The following CADM2 variants were observed in gnomAD, a reference collection of about 807,000 sequenced individuals.
The protein encoded by CADM2 is cell adhesion molecule 2, also known as immunoglobulin superfamily member 4D.
In CADM2, 12 loss-of-function variants were observed where a neutral mutation model predicts 49.8. The observed-to-expected ratio is 0.24, with a 90% CI of 0.15 to 0.39. The LOEUF is 0.39. CADM2 is among the 10% of genes least tolerant of loss of function. The pLI is 1.00. For synonymous variants in CADM2, 214 were observed against 175.4 expected (o/e 1.22, Z -1.74); for missense variants, 378 against 492.3 (o/e 0.77, Z 2.20).
chr3:85,258,868 T>G (rs2042948969), intron 1 of CADM2, among the ~76,000 whole-genome samples: 1 of 152,112 alleles, frequency 6.6e-6, no homozygotes, highest in African/African-American at 2.4e-5. Context: ...TTTATTATTT[T>G]TCATTTTTCT....
intron 3 of CADM2, among the ~76,000 whole-genome samples, chr3:85,843,888 ATG>A (rs957863432): frequency 5.9e-5 from 9 of 151,440 alleles, no homozygotes; most frequent in African/African-American, 1.2e-4. Flanking sequence ...ATGTGAGTGT[ATG>A]TGTGTGTGGG....
chr3:84,993,702 A>G (rs781091635), intron 1 of CADM2, among the ~76,000 whole-genome samples: 14 of 152,194 alleles, frequency 9.2e-5, no homozygotes, highest in Non-Finnish European at 1.6e-4. Context: ...CTTCATAGAC[A>G]TGTTCTAAAA....
At chr3:85,254,184 G>C (rs1355527708) in intron 1 of CADM2, among the ~76,000 whole-genome samples, 1 of 151,912 alleles carries the variant, frequency 6.6e-6, no homozygotes, top group Non-Finnish European at 1.5e-5. Flanking sequence ...TCCATTTATT[G>C]TAAAGTATAT....
chr3:85,505,179 C>A (rs2040290655), intron 1 of CADM2, among the ~76,000 whole-genome samples: 1 of 152,244 alleles, frequency 6.6e-6, no homozygotes, highest in African/African-American at 2.4e-5. Flanking sequence ...GGAGCCCAGG[C>A]AGAGGAGGCG....
At chr3:85,726,499 G>C in intron 1 of CADM2, 23 bp from the exon 2 acceptor site, 1 of 1,611,692 alleles carries the variant, frequency 6.2e-7, no homozygotes, top group Non-Finnish European at 8.5e-7. Flanking sequence ...TTCTCTTCTT[G>C]TGCAACCTTT....
intron 1 of CADM2, among the ~76,000 whole-genome samples, chr3:85,042,836 G>T (rs1401289380): frequency 3.3e-5 from 5 of 151,976 alleles, no homozygotes; most frequent in Non-Finnish European, 7.4e-5. Flanking sequence ...GTTCTTAGTT[G>T]GGATCTTTGG....
chr3:85,373,009 T>C (rs868023198), intron 1 of CADM2, among the ~76,000 whole-genome samples: 7 of 152,138 alleles, frequency 4.6e-5, no homozygotes, highest in Middle Eastern at 3.4e-3. Flanking sequence ...AGCCAAACCA[T>C]ATCATTCTGG....
chr3:85,412,197 A>T (rs1460672966), intron 1 of CADM2, among the ~76,000 whole-genome samples: 1 of 152,190 alleles, frequency 6.6e-6, no homozygotes, highest in East Asian at 1.9e-4. Context: ...GTTATTGGAA[A>T]TGTGGATCAT....
At chr3:85,396,711 T>C (rs1326778570) in intron 1 of CADM2, among the ~76,000 whole-genome samples, 1 of 152,064 alleles carries the variant, frequency 6.6e-6, no homozygotes, top group Non-Finnish European at 1.5e-5. Context: ...TTTTGGACAT[T>C]CCACATGCAA....
chr3:85,028,976 A>G (rs1035585686), intron 1 of CADM2, among the ~76,000 whole-genome samples: 4 of 151,740 alleles, frequency 2.6e-5, no homozygotes, highest in South Asian at 2.1e-4. Context: ...AATAAATTGG[A>G]ATATCAAATT....
At chr3:85,941,885 A>G (rs1721954780) in intron 7 of CADM2, among the ~76,000 whole-genome samples, 1 of 152,032 alleles carries the variant, frequency 6.6e-6, no homozygotes, top group Non-Finnish European at 1.5e-5. Flanking sequence ...GTTTTTCATA[A>G]TTTTCTCTCA....
chr3:85,462,221 C>T (rs1024279306), intron 1 of CADM2, among the ~76,000 whole-genome samples: 1 of 152,076 alleles, frequency 6.6e-6, no homozygotes, highest in African/African-American at 2.4e-5. Context: ...CCCAGAATAT[C>T]CCCCCAATAT....
chr3:85,210,553 CT>C (rs1328285186), intron 1 of CADM2, among the ~76,000 whole-genome samples: 1 of 151,038 alleles, frequency 6.6e-6, no homozygotes, highest in Non-Finnish European at 1.5e-5. Context: ...TTTCTTTTTT[CT>C]TTTTTGAAAC....
chr3:85,612,233 A>T (rs951065295), intron 1 of CADM2, among the ~76,000 whole-genome samples: 2 of 151,906 alleles, frequency 1.3e-5, no homozygotes, highest in Non-Finnish European at 2.9e-5. Flanking sequence ...TAAGAATTAT[A>T]ACAACAATAG....
rs145829743 is a variant in CADM2 at position 85,741,950 on chromosome 3, G to T, written c.88+15402G>T. Among the ~76,000 whole-genome samples the T allele has an allele frequency of 2.0e-5, 3 of 152,124 alleles. No individual in the cohort carries two copies. In the East Asian group the frequency reaches 5.8e-4, roughly 29 times the overall value. On this transcript the variant is annotated intron_variant, in intron 2 of 9. Coordinates refer to ENST00000383699, the MANE Select transcript of CADM2 (RefSeq NM_001167675.2). The stretch of plus-strand genomic sequence containing the variant: ...AAACCCCAAACACTCTTTTTTTATA[G>T]CTTTTACTTCTTTAGAACTTCTAGA...
At chr3:85,152,041 C>A (rs1359602567) in intron 1 of CADM2, among the ~76,000 whole-genome samples, 7 of 152,018 alleles carry the variant, frequency 4.6e-5, no homozygotes, top group Non-Finnish European at 1.0e-4. Context: ...TCTTAACAAT[C>A]CAAATTTCTA....
chr3:85,030,091 T>C (rs2034912450), intron 1 of CADM2, among the ~76,000 whole-genome samples: 1 of 152,212 alleles, frequency 6.6e-6, no homozygotes, highest in Admixed American at 6.5e-5. Context: ...CCCCAGGACG[T>C]AATCGTTTCC....
rs1216851491 is a variant in CADM2 at position 85,745,762 on chromosome 3, G to A, written c.88+19214G>A. Among the ~76,000 whole-genome samples, 3 of 152,122 alleles carry A rather than the reference G, an allele frequency of 2.0e-5. No individual in the cohort carries two copies. The East Asian group carries it at 5.8e-4, about 30-fold the overall frequency. ...TGCCTGTAGTCCCAGCTACTCAGGA[G>A]GCTGAGGTGGCAGGATGGCTTGAGC... On this transcript the variant is annotated intron_variant, in intron 2 of 9. Transcript: ENST00000383699.
At chr3:85,777,798 T>A (rs1577289544) in intron 2 of CADM2, among the ~76,000 whole-genome samples, 1 of 152,198 alleles carries the variant, frequency 6.6e-6, no homozygotes, top group East Asian at 1.9e-4. Flanking sequence ...AAAGAAAAGC[T>A]TTTTATGTGT....
Sources: allele counts gnomAD v4.1 joint callset (sites outside exome capture counted in the v4.1 genomes callset), GRCh38; gene constraint gnomAD v4.1.1; transcripts MANE v1.5; gene names NCBI Gene and HGNC (gene_info 2026-07-23, HGNC 2026-07-21).